The following ADGRL3 variants were observed in gnomAD, a reference collection of about 807,000 sequenced individuals.
The protein encoded by ADGRL3 is adhesion G protein-coupled receptor L3, also known as calcium-independent alpha-latrotoxin receptor 3.
ADGRL3 carries 62 observed loss-of-function variants against 153.5 expected under a neutral mutation model. The ratio of observed to expected loss-of-function variants is 0.40; its 90% CI spans 0.33 to 0.50. The LOEUF (loss-of-function observed/expected upper bound fraction) is 0.50, where lower values mean the gene tolerates loss of function less well. ADGRL3 is among the 20% of genes least tolerant of loss of function. The pLI is 0.47. For missense variants in ADGRL3, 1,641 were observed against 1,859.4 expected (o/e 0.88, Z 2.16); for synonymous variants, 710 against 672.5 (o/e 1.06, Z -0.86).
chr4:61,203,623 A>G (rs972677553), intron 1 of ADGRL3, among the ~76,000 whole-genome samples: 2 of 152,228 alleles, frequency 1.3e-5, no homozygotes, highest in Non-Finnish European at 2.9e-5. Context: ...AAAGAATGTC[A>G]TCGTAGAATC....
At chr4:61,339,955 A>G (rs376623766) in intron 1 of ADGRL3, among the ~76,000 whole-genome samples, 17 of 152,296 alleles carry the variant, frequency 1.1e-4, no homozygotes, top group Admixed American at 8.5e-4. Context: ...AGGTTGGTCA[A>G]ATAACTGAAA....
At chr4:61,915,878 T>G (rs2098742899) in intron 13 of ADGRL3, among the ~76,000 whole-genome samples, 1 of 152,166 alleles carries the variant, frequency 6.6e-6, no homozygotes, top group East Asian at 1.9e-4. Context: ...GCATTAAATT[T>G]GAAATAAGAT....
chr4:61,411,767 G>A (rs1386120857), intron 2 of ADGRL3, among the ~76,000 whole-genome samples: 4 of 152,050 alleles, frequency 2.6e-5, no homozygotes, highest in African/African-American at 9.7e-5. Flanking sequence ...TGGAAGGACT[G>A]CTTATATTTT....
At chr4:61,979,795 AGT>A in intron 18 of ADGRL3, 23 bp downstream of exon 18, 1 of 1,594,500 alleles carries the variant, frequency 6.3e-7, no homozygotes. Flanking sequence ...CATTGATACC[AGT>A]GAAGAATTTT....
chr4:61,385,757 A>G lies in ADGRL3; in HGVS notation c.-174+2568A>G, dbSNP rs547767208. The stretch of plus-strand genomic sequence containing the variant: ...GTTTTGTATATTGATTTATTTCACC[A>G]ACATTAAGTACCAAATAAACTATTA... On this transcript the variant is annotated intron_variant, in intron 2 of 26. Transcript: ENST00000683033. 6 of 152,324 alleles carry G rather than the reference A, an allele frequency of 3.9e-5. 1 individual carries two copies. In the South Asian group the frequency reaches 1.2e-3, roughly 32 times the overall value. 9.4% of individuals were successfully genotyped at this position (152,324 alleles called of 1,614,324 possible).
At chr4:61,309,243 A>C (rs1453602359) in intron 1 of ADGRL3, among the ~76,000 whole-genome samples, 2 of 152,158 alleles carry the variant, frequency 1.3e-5, no homozygotes, top group Admixed American at 1.3e-4. Context: ...TTTGTCTACT[A>C]TGTGGTTCAA....
At chr4:61,769,667 G>T (rs932933886) in intron 8 of ADGRL3, among the ~76,000 whole-genome samples, 2 of 152,016 alleles carry the variant, frequency 1.3e-5, no homozygotes, top group East Asian at 3.9e-4. Context: ...ATAAGGGTGA[G>T]GCCGTTTTAT....
At chr4:61,346,403 G>A (rs577325877) in intron 1 of ADGRL3, among the ~76,000 whole-genome samples, 1 of 151,504 alleles carries the variant, frequency 6.6e-6, no homozygotes, top group Non-Finnish European at 1.5e-5. Flanking sequence ...TTAACATTGG[G>A]CATCACTTTA....
chr4:61,558,585 T>C (rs897342750), intron 4 of ADGRL3, among the ~76,000 whole-genome samples: 2 of 152,010 alleles, frequency 1.3e-5, no homozygotes, highest in East Asian at 1.9e-4. Flanking sequence ...GATCTGTCTA[T>C]ATAACATCTA....
intron 1 of ADGRL3, among the ~76,000 whole-genome samples, chr4:61,364,321 G>C (rs1336693220): frequency 1.7e-5 from 2 of 119,912 alleles, no homozygotes; most frequent in Non-Finnish European, 3.5e-5. Flanking sequence ...GACAGAGTGA[G>C]ACTCCGTCTC....
At chr4:61,974,096 T>A (rs1299042578) in intron 17 of ADGRL3, among the ~76,000 whole-genome samples, 1 of 152,004 alleles carries the variant, frequency 6.6e-6, no homozygotes, top group Non-Finnish European at 1.5e-5. Flanking sequence ...GCTTCCTGAG[T>A]AGCTGTGACT....
intron 8 of ADGRL3, among the ~76,000 whole-genome samples, chr4:61,747,687 AG>A (rs201403139): frequency 0.062 from 9,039 of 146,602 alleles, 488 homozygotes; most frequent in African/African-American, 0.16. Flanking sequence ...TCAATAAATT[AG>A]GTATTGATGG....
At chr4:61,772,678 C>T (rs1399005474) in intron 8 of ADGRL3, among the ~76,000 whole-genome samples, 1 of 152,124 alleles carries the variant, frequency 6.6e-6, no homozygotes. Context: ...CCTCTTTCCC[C>T]TCCATCTTTG....
intron 17 of ADGRL3, among the ~76,000 whole-genome samples, chr4:61,966,594 G>A (rs1401599958): frequency 1.3e-5 from 2 of 151,976 alleles, no homozygotes. Context: ...GTGTGTGTGT[G>A]TGTGTGTGTG....
intron 5 of ADGRL3, 119 bp downstream of exon 5, chr4:61,587,559 A>T: frequency 2.8e-6 from 2 of 723,538 alleles, no homozygotes; most frequent in Non-Finnish European, 2.2e-6. Flanking sequence ...ACTTCAAAAT[A>T]GTTTTTCCAT....
chr4:61,767,328 G>T (rs1026084714), intron 8 of ADGRL3, among the ~76,000 whole-genome samples: 3 of 150,740 alleles, frequency 2.0e-5, no homozygotes, highest in East Asian at 2.0e-4. Flanking sequence ...AAAGAGTATT[G>T]TCTAAGTTGG....
chr4:61,206,985 A>AAAATAAAT (rs575017393), intron 1 of ADGRL3, among the ~76,000 whole-genome samples: 3,038 of 150,992 alleles, frequency 0.02, 118 homozygotes, highest in African/African-American at 0.07. Flanking sequence ...TGTGTCTCAA[A>AAAATAAAT]AAATAAATAA....
Position 61,806,021 on chromosome 4 carries a change from G to A in ADGRL3, c.1400-7788G>A, listed in dbSNP as rs569493392. ...GTTTCTCTTTTTTATGATTTGTAAT[G>A]TAGCAATTTTAACATTTGCCTTACT... On this transcript the variant is annotated intron_variant, in intron 8 of 26. Coordinates refer to ENST00000683033, the MANE Select transcript of ADGRL3 (RefSeq NM_001387552.1). 6.4e-4 allele frequency among the ~76,000 whole-genome samples: 97 copies of A among 152,254 alleles called. 2 individuals are homozygous for A. The Middle Eastern group carries it at 0.01, about 16-fold the overall frequency.
At chr4:61,591,906 A>G (rs571285625) in intron 5 of ADGRL3, among the ~76,000 whole-genome samples, 2 of 151,784 alleles carry the variant, frequency 1.3e-5, no homozygotes, top group Admixed American at 1.3e-4. Flanking sequence ...TGAAACATCC[A>G]TCTCTACAAA....
Sources: allele counts gnomAD v4.1 joint callset (sites outside exome capture counted in the v4.1 genomes callset), GRCh38; gene constraint gnomAD v4.1.1; transcripts MANE v1.5; gene names NCBI Gene and HGNC (gene_info 2026-07-23, HGNC 2026-07-21).